Variants in GRB10 observed in about 807,000 individuals in gnomAD.
GRB10 encodes growth factor receptor bound protein 10.
GRB10 carries 20 observed loss-of-function variants against 80.9 expected under a neutral mutation model. The observed-to-expected ratio is 0.25, with a 90% CI of 0.17 to 0.36. The LOEUF is 0.36. GRB10 is among the 10% of genes least tolerant of loss of function. GRB10 has a pLI of 1.00. For synonymous variants in GRB10, 291 were observed against 291.5 expected (o/e 1.00, Z 0.02); for missense variants, 548 against 747.7 (o/e 0.73, Z 3.12).
intron 1 of GRB10, among the ~76,000 whole-genome samples, chr7:50,788,257 G>A (rs1467315001): frequency 1.3e-5 from 2 of 152,170 alleles, no homozygotes; most frequent in African/African-American, 2.4e-5. Context: ...AATCAAATAA[G>A]TAAACTAAAG....
chr7:50,773,551 T>C (rs1011039947), intron 2 of GRB10, among the ~76,000 whole-genome samples: 42 of 149,624 alleles, frequency 2.8e-4, no homozygotes, highest in African/African-American at 8.9e-4. Flanking sequence ...AAATGCCAAG[T>C]GTTGGCAAGA....
chr7:50,735,725 T>A (rs1174838416), intron 3 of GRB10, among the ~76,000 whole-genome samples: 1 of 152,182 alleles, frequency 6.6e-6, no homozygotes, highest in African/African-American at 2.4e-5. Flanking sequence ...ATTTAAAAAA[T>A]TTTATTAAAA....
At chr7:50,713,037 T>G (rs1055169504) in intron 4 of GRB10, among the ~76,000 whole-genome samples, 6 of 152,336 alleles carry the variant, frequency 3.9e-5, no homozygotes, top group Non-Finnish European at 1.5e-5. Flanking sequence ...GTTTTGTTCC[T>G]GTTTTTGCAT....
chr7:50,720,310 A>G (rs1256728216), intron 4 of GRB10, among the ~76,000 whole-genome samples: 1 of 152,252 alleles, frequency 6.6e-6, no homozygotes, highest in African/African-American at 2.4e-5. Context: ...ATGTACCAGT[A>G]GCCAGTTTCG....
rs1044440099 is a variant in GRB10 at position 50,782,185 on chromosome 7, T to C, written c.-327+239A>G. Among the ~76,000 whole-genome samples the C allele has an allele frequency of 5.3e-5, 8 of 152,080 alleles. No individual in the cohort carries two copies. The highest frequency in any genetic ancestry group is 4.6e-4 in the Admixed American group (7 of 15,280). ...AATATTAAACAATTAAGATTAAAAATGGTTACATAATACTGTCCTATGGCT... is the reference window on the plus strand; with the variant it reads ...AATATTAAACAATTAAGATTAAAAACGGTTACATAATACTGTCCTATGGCT... On this transcript the variant is annotated intron_variant, in intron 1 of 18. Coordinates refer to ENST00000401949, the MANE Select transcript of GRB10 (RefSeq NM_001350814.2). This position sits in a 1 kb window ranked among gnomAD's most constrained non-coding sequence, Gnocchi z 6.6.
chr7:50,762,613 A>G (rs1030501405), intron 2 of GRB10, among the ~76,000 whole-genome samples: 1 of 152,240 alleles, frequency 6.6e-6, no homozygotes, highest in South Asian at 2.1e-4. Context: ...CTGGCAACTT[A>G]TGCTCAGTAA....
At chr7:50,601,871 A>G (rs1348950497) in intron 17 of GRB10, among the ~76,000 whole-genome samples, 2 of 152,224 alleles carry the variant, frequency 1.3e-5, no homozygotes, top group African/African-American at 4.8e-5. Flanking sequence ...TGAGAAATGC[A>G]TCATTTGAGT....
intron 7 of GRB10, among the ~76,000 whole-genome samples, chr7:50,645,017 G>A (rs1024825065): frequency 3.3e-5 from 5 of 152,162 alleles, no homozygotes; most frequent in Non-Finnish European, 5.9e-5. Context: ...TCTGGACGAC[G>A]CAGAAAATGA....
chr7:50,594,934 T>C (rs2046377085), intron 18 of GRB10, among the ~76,000 whole-genome samples: 2 of 152,186 alleles, frequency 1.3e-5, no homozygotes, highest in East Asian at 3.9e-4. Flanking sequence ...GCTTCTTGGA[T>C]AGCCCTGGTG....
intron 7 of GRB10, among the ~76,000 whole-genome samples, chr7:50,633,906 A>G (rs1052144204): frequency 2.6e-5 from 4 of 152,190 alleles, no homozygotes; most frequent in Non-Finnish European, 5.9e-5. Flanking sequence ...GATTATTTAA[A>G]CCTAGGACTT....
At chr7:50,767,143 C>G (rs879292616) in intron 2 of GRB10, among the ~76,000 whole-genome samples, 7 of 152,160 alleles carry the variant, frequency 4.6e-5, no homozygotes, top group Non-Finnish European at 8.8e-5. Context: ...ATTTAGTTCT[C>G]TTGGTCTCCT....
chr7:50,607,754 C>T (rs2329484), intron 13 of GRB10, among the ~76,000 whole-genome samples: 145,155 of 152,240 alleles, frequency 0.95, 69,550 homozygotes, highest in East Asian at 1. Flanking sequence ...TGCCACCTAA[C>T]TGGCTCAGTA....
At chr7:50,655,814 T>A (rs1006848061) in intron 7 of GRB10, among the ~76,000 whole-genome samples, 4 of 152,238 alleles carry the variant, frequency 2.6e-5, no homozygotes, top group Admixed American at 2.6e-4. Flanking sequence ...CCAGGGTGCC[T>A]GTGCCTTCCT....
At position 50,748,961 on chromosome 7, in the gene GRB10, T is replaced by C. The variant is rs369008564; in HGVS notation, c.-47+6926A>G. Among the ~76,000 whole-genome samples, 5 of 152,284 alleles carry C rather than the reference T, an allele frequency of 3.3e-5. No individual in the cohort carries two copies. In the East Asian group the frequency reaches 7.7e-4, roughly 24 times the overall value. Reference sequence around the variant, plus strand: ...TAAAGAGGTGCTACATTAAAAGACATATTAAATAAAAACTCTTGTTCTCTC... The same window carrying C: ...TAAAGAGGTGCTACATTAAAAGACACATTAAATAAAAACTCTTGTTCTCTC... On this transcript the variant is annotated intron_variant, in intron 3 of 18. Transcript: ENST00000401949.
chr7:50,740,302 C>T (rs2071481866), intron 3 of GRB10, among the ~76,000 whole-genome samples: 1 of 152,216 alleles, frequency 6.6e-6, no homozygotes, highest in Non-Finnish European at 1.5e-5. Flanking sequence ...CACTTCCTGA[C>T]AGCTTCACTT....
At chr7:50,701,984 G>C (rs1466409834) in intron 5 of GRB10, among the ~76,000 whole-genome samples, 6 of 152,106 alleles carry the variant, frequency 3.9e-5, no homozygotes, top group African/African-American at 1.4e-4. Flanking sequence ...TCTTAGTATG[G>C]GACTGCTTCA....
At chr7:50,770,374 G>A (rs898327486) in intron 2 of GRB10, among the ~76,000 whole-genome samples, 1 of 152,210 alleles carries the variant, frequency 6.6e-6, no homozygotes, top group Non-Finnish European at 1.5e-5. Context: ...ACAGACACAA[G>A]AGAACAAGCA....
chr7:50,722,798 C>T (rs1282243460), intron 4 of GRB10, among the ~76,000 whole-genome samples: 3 of 152,144 alleles, frequency 2.0e-5, no homozygotes, highest in African/African-American at 4.8e-5. Context: ...AAAGCCTCTC[C>T]TCAGAAGCTG....
At chr7:50,658,143 A>G (rs1054796621) in intron 7 of GRB10, among the ~76,000 whole-genome samples, 13 of 152,220 alleles carry the variant, frequency 8.5e-5, no homozygotes, top group African/African-American at 2.9e-4. Flanking sequence ...CGCCTATTGC[A>G]GGAGAAAAGA....
Sources: gnomAD v4.1 joint callset for allele counts (sites outside exome capture counted in the v4.1 genomes callset) on GRCh38, gnomAD v4.1.1 for gene constraint, Gnocchi (gnomAD v3.1) non-coding constraint, MANE v1.5 for transcripts, NCBI Gene and HGNC (gene_info 2026-07-23, HGNC 2026-07-21) for gene names.